OSBPL5: variants seen among roughly 807,000 people sequenced by gnomAD.
The protein encoded by OSBPL5 is oxysterol-binding protein-related protein 5.
A neutral mutation model predicts 111.2 loss-of-function variants in OSBPL5; 71 were observed. The ratio of observed to expected loss-of-function variants is 0.64; its 90% CI spans 0.53 to 0.78. The LOEUF is 0.78. OSBPL5 is among the 30% of genes least tolerant of loss of function. The pLI, the probability that OSBPL5 is intolerant of heterozygous loss-of-function variation, is 0.00. For missense variants in OSBPL5, 1,210 were observed against 1,189.3 expected, an observed-to-expected ratio of 1.02 and a Z score of -0.26; for synonymous variants, 549 against 513.9, an observed-to-expected ratio of 1.07 and a Z score of -0.93.
intron 1 of OSBPL5, among the ~76,000 whole-genome samples, chr11:3,147,810 C>G (rs1336158084): frequency 6.6e-6 from 1 of 152,302 alleles, no homozygotes; most frequent in Non-Finnish European, 1.5e-5. Context: ...TGGGGAGGAA[C>G]AGGACCAGCC....
chr11:3,104,361 T>C lies in OSBPL5; in HGVS notation c.1076A>G (p.Gln359Arg), dbSNP rs778249269. The change falls in exon 10 of 22, where the codon CAG becomes CGG. Residue 359 changes from glutamine (Q) to arginine (R), a missense_variant. Gln to Arg is a conservative substitution (Grantham distance 43). Coordinates refer to ENST00000263650, the MANE Select transcript of OSBPL5 (RefSeq NM_020896.4). This position sits in a 1 kb window ranked among gnomAD's most constrained non-coding sequence, Gnocchi z 5.0. ...EELGELGEAS[Q>R]VETVSEENKS... is the part of the protein sequence containing the mutation. ...GTTCTCCTCTGACACTGTCTCCACCTGGGACGCCTCGCCCAGCTGCAGCAG... is the reference window on the plus strand; with the variant it reads ...GTTCTCCTCTGACACTGTCTCCACCCGGGACGCCTCGCCCAGCTGCAGCAG... 34 of 1,610,958 alleles carry C rather than the reference T, an allele frequency of 2.1e-5. No homozygotes were observed. The highest frequency in any genetic ancestry group is 2.9e-5 in the Non-Finnish European group (34 of 1,179,692).
At position 3,093,520 on chromosome 11, in the gene OSBPL5, G is replaced by C; in HGVS notation, c.1946+7C>G. On this transcript the variant is annotated splice_region_variant and intron_variant, in intron 17 of 21. Coordinates refer to ENST00000263650, the MANE Select transcript of OSBPL5 (RefSeq NM_020896.4). ...CAGCAGGGTCCCTGGGCGCTGACAG[G>C]CCTCACCTCTCGGACTCCAGCTCCG... The C allele has an allele frequency of 1.2e-6, 2 of 1,606,664 alleles. No homozygotes were observed. Among genetic ancestry groups the C allele is most frequent in the Non-Finnish European group, 8.5e-7 (1 of 1,179,350 alleles).
chr11:3,090,841 GA>G lies in OSBPL5; in HGVS notation c.2260-146del, dbSNP rs1419371487. 3 of 1,111,360 alleles carry G rather than the reference GA, an allele frequency of 2.7e-6. No homozygotes were observed. In the African/African-American group the frequency reaches 4.7e-5, roughly 17 times the overall value. The allele number at this position is 1,111,360 out of a possible 1,614,324, so 68.8% of individuals were successfully genotyped here. A position where few individuals can be genotyped will look rare whatever the true frequency, so the allele number is the denominator to read the frequency against. On this transcript the variant is annotated intron_variant, in intron 19 of 21. Transcript: ENST00000263650. ...AGCTGCTGGGCTGTGGAGCTGGCTG[GA>G]GGGGTCTGTCTCAGCCCCGGCATGG... is the stretch of plus-strand genomic sequence containing the variant.
intron 1 of OSBPL5, among the ~76,000 whole-genome samples, chr11:3,148,963 G>A (rs946123324): frequency 6.6e-6 from 1 of 152,202 alleles, no homozygotes; most frequent in Non-Finnish European, 1.5e-5. Context: ...GGGTTGGCAG[G>A]GGCCGGCCAG....
chr11:3,104,463 G>T lies in OSBPL5; in HGVS notation c.1060-86C>A. 1 of 1,448,266 alleles carries T rather than the reference G, an allele frequency of 6.9e-7. No homozygotes were observed. Among genetic ancestry groups the T allele is most frequent in the Non-Finnish European group, 9.3e-7 (1 of 1,074,958 alleles). The allele number at this position is 1,448,266 out of a possible 1,614,324, so 89.7% of individuals were successfully genotyped here. Reference sequence around the variant, plus strand: ...GACAGTGGCAGCTCTGGCTGGAGGAGGCTGTACCTGCCACCCCTTAGGGTG... The same window carrying T: ...GACAGTGGCAGCTCTGGCTGGAGGATGCTGTACCTGCCACCCCTTAGGGTG... On this transcript the variant is annotated intron_variant, in intron 9 of 21. Transcript: ENST00000263650. The surrounding 1 kb of genome is among the most constrained non-coding windows in gnomAD (Gnocchi z 5.0).
intron 1 of OSBPL5, among the ~76,000 whole-genome samples, chr11:3,148,720 A>C (rs1055467986): frequency 6.6e-6 from 1 of 152,206 alleles, no homozygotes; most frequent in African/African-American, 2.4e-5. Context: ...TAAGAGGAGA[A>C]TTTTGGAAGA....
rs564058340 is a variant in OSBPL5 at position 3,123,282 on chromosome 11, A to T, written c.220-854T>A. Among the ~76,000 whole-genome samples the T allele has an allele frequency of 1.4e-4, 21 of 152,288 alleles. No homozygotes were observed. The South Asian group carries it at 4.3e-3, about 32-fold the overall frequency. ...TGCAGGCTGGGGACAGCAAGCTACG[A>T]CCCGAATCCTGCCTGCTGCCTCCTT... On this transcript the variant is annotated intron_variant, in intron 3 of 21. Coordinates refer to ENST00000263650, the MANE Select transcript of OSBPL5 (RefSeq NM_020896.4).
At chr11:3,150,272 C>T (rs754135600) in intron 1 of OSBPL5, among the ~76,000 whole-genome samples, 12 of 152,200 alleles carry the variant, frequency 7.9e-5, no homozygotes, top group East Asian at 5.8e-4. Flanking sequence ...GCAGACGGTG[C>T]TTTTCTCCCC....
At position 3,093,755 on chromosome 11, in the gene OSBPL5, A is replaced by G; in HGVS notation, c.1800T>C (p.Ser600=). The part of the protein sequence containing the change: ...TSGEEVLASL[S]GHWDRDVFIK... ...AGGGACGGCCCCTTACCCAGTGGCC[A>G]CTGAGGCTCGCCAGGACTTCCTCTC... is the stretch of plus-strand genomic sequence containing the variant. The change falls in exon 16 of 22, where the codon AGT becomes AGC. Residue 600 remains serine (S), a synonymous_variant. Transcript: ENST00000263650. 6.2e-7 allele frequency: 1 copy of G among 1,613,086 alleles called. No individual in the cohort carries two copies. Among genetic ancestry groups the G allele is most frequent in the East Asian group, 2.2e-5 (1 of 44,848 alleles).
Position 3,093,837 on chromosome 11 carries a change from TGCGGGGCCACACCCAGAACAGAGCCC to T in OSBPL5, c.1720-28_1720-3del. ...GCTGGTGCTACCCCCGAAGAAGGGC[TGCGGGGCCACACCCAGAACAGAGCCC>T]AGTGAGCGGGGGCTGGGGCCTCCAG... On this transcript the variant is annotated splice_polypyrimidine_tract_variant and splice_region_variant and intron_variant, in intron 15 of 21. Transcript: ENST00000263650. The T allele has an allele frequency of 6.2e-7, 1 of 1,610,112 alleles. No homozygotes were observed. Among genetic ancestry groups the T allele is most frequent in the Non-Finnish European group, 8.5e-7 (1 of 1,179,494 alleles).
At chr11:3,093,417 T>C in intron 17 of OSBPL5, 110 bp downstream of exon 17, 1 of 1,489,060 alleles carries the variant, frequency 6.7e-7, no homozygotes, top group Admixed American at 2.0e-5. Context: ...CTGCCCTCCC[T>C]GCCAGGGACA....
At chr11:3,152,677 C>A (rs767304879) in intron 1 of OSBPL5, among the ~76,000 whole-genome samples, 1 of 152,320 alleles carries the variant, frequency 6.6e-6, no homozygotes, top group South Asian at 2.1e-4. Flanking sequence ...GGCACCTAAG[C>A]GTGAACAGAG....
Position 3,120,525 on chromosome 11 carries a change from T to TGCCC in OSBPL5, c.498_501dup (p.Thr168GlyfsTer41). Reference sequence around the variant, plus strand: ...AGCTCGCAGCAGTGCAGCAGCACCGTGCCCACCCACTGGCCCACCTTGGGC... The same window carrying TGCCC: ...AGCTCGCAGCAGTGCAGCAGCACCGTGCCCGCCCACCCACTGGCCCACCTTGGGC... On this transcript the variant is annotated frameshift_variant, in exon 6 of 22. Coordinates refer to ENST00000263650, the MANE Select transcript of OSBPL5 (RefSeq NM_020896.4). LOFTEE classifies it high-confidence loss of function. 1 of 1,613,364 alleles carries TGCCC rather than the reference T, an allele frequency of 6.2e-7. No individual in the cohort carries two copies. Among genetic ancestry groups the TGCCC allele is most frequent in the Non-Finnish European group, 8.5e-7 (1 of 1,180,024 alleles).
At chr11:3,103,212 C>T (rs776982245) in intron 11 of OSBPL5, 27 bp downstream of exon 11, 16 of 1,576,142 alleles carry the variant, frequency 1.0e-5, no homozygotes, top group African/African-American at 1.4e-5. Context: ...GCCGGAGCCC[C>T]ACCCTCCCTG....
chr11:3,087,915 G>A lies in OSBPL5; in HGVS notation c.*290C>T, dbSNP rs1856925432. On this transcript the variant is annotated 3_prime_UTR_variant, in exon 22 of 22. Transcript: ENST00000263650. ...ATGGCAAGTGGAGGCCGGACAGGGG[G>A]TGACACGGCAAGATGGCCAGGAGTG... 3.6e-6 allele frequency: 1 copy of A among 281,226 alleles called. No individual in the cohort carries two copies. 17.4% of individuals were successfully genotyped at this position (281,226 alleles called of 1,614,324 possible). A position where few individuals can be genotyped will look rare whatever the true frequency, so the allele number is the denominator to read the frequency against.
chr11:3,107,411 G>A lies in OSBPL5; in HGVS notation c.911C>T (p.Ser304Leu), dbSNP rs200695317. The A allele has an allele frequency of 4.3e-5, 70 of 1,614,028 alleles. No homozygotes were observed. The East Asian group carries it at 1.0e-3, about 24-fold the overall frequency. ...TGACTCCTCAGGGTTCTCTCTCTCCGACTTGTCTGAGAATGCATCGTTCTC... is the reference window on the plus strand; with the variant it reads ...TGACTCCTCAGGGTTCTCTCTCTCCAACTTGTCTGAGAATGCATCGTTCTC... ...SLENDAFSDKSERENPEESDT... is the reference protein window; with the variant it reads ...SLENDAFSDKLERENPEESDT... Residue 304 changes from serine (S) to leucine (L), a missense_variant, in exon 9 of 22, where the codon TCG becomes TTG. Physicochemically the swap from Ser to Leu is moderately radical, Grantham distance 145. Transcript: ENST00000263650. This position sits in a 1 kb window ranked among gnomAD's most constrained non-coding sequence, Gnocchi z 6.1.
intron 1 of OSBPL5, among the ~76,000 whole-genome samples, chr11:3,137,666 G>A (rs1451618486): frequency 6.6e-6 from 1 of 152,208 alleles, no homozygotes; most frequent in African/African-American, 2.4e-5. Flanking sequence ...AAAAACAGCC[G>A]GTTGTGGTGG....
chr11:3,118,962 G>C (rs1265978046), intron 7 of OSBPL5, among the ~76,000 whole-genome samples: 1 of 151,564 alleles, frequency 6.6e-6, no homozygotes, highest in African/African-American at 2.4e-5. Context: ...TGTTATATGG[G>C]TGCTTTTATA....
At position 3,113,234 on chromosome 11, in the gene OSBPL5, TAAG is replaced by T. The variant is rs1482944359; in HGVS notation, c.692-5292_692-5290del. Among the ~76,000 whole-genome samples the T allele has an allele frequency of 6.6e-6, 1 of 152,230 alleles. No homozygotes were observed. Among genetic ancestry groups the T allele is most frequent in the African/African-American group, 2.4e-5 (1 of 41,458 alleles). ...TGGTAAAGTAATATTAGAAATGTCT[TAAG>T]AATTGCCAGCATATATTTTTGTTTG... is the stretch of plus-strand genomic sequence containing the variant. On this transcript the variant is annotated intron_variant, in intron 7 of 21. Coordinates refer to ENST00000263650, the MANE Select transcript of OSBPL5 (RefSeq NM_020896.4). This position sits in a 1 kb window ranked among gnomAD's most constrained non-coding sequence, Gnocchi z 4.8.
Sources: gnomAD v4.1 joint callset for allele counts (sites outside exome capture counted in the v4.1 genomes callset) on GRCh38, gnomAD v4.1.1 for gene constraint, Gnocchi (gnomAD v3.1) non-coding constraint, MANE v1.5 for transcripts, NCBI Gene and HGNC (gene_info 2026-07-23, HGNC 2026-07-21) for gene names.